Variants in ZNF804A observed in about 807,000 individuals in gnomAD.
ZNF804A encodes the protein zinc finger protein 804A.
In ZNF804A, 2 loss-of-function variants were observed where a neutral mutation model predicts 16.5. The observed-to-expected ratio is 0.12, with a 90% CI of 0.05 to 0.38. The LOEUF (loss-of-function observed/expected upper bound fraction) is 0.38. ZNF804A is among the 10% of genes least tolerant of loss of function. The pLI is 0.99. For missense variants in ZNF804A, 1,473 were observed against 1,390.7 expected, an observed-to-expected ratio of 1.06 and a Z score of -0.94; for synonymous variants, 534 against 489.6, an observed-to-expected ratio of 1.09 and a Z score of -1.20.
chr2:184,620,442 G>T (rs1691399387), intron 1 of ZNF804A, among the ~76,000 whole-genome samples: 1 of 151,806 alleles, frequency 6.6e-6, no homozygotes, highest in African/African-American at 2.4e-5. Flanking sequence ...TTTGACATTA[G>T]ATTGGAATCT....
chr2:184,631,550 A>T (rs1195783973), intron 1 of ZNF804A, among the ~76,000 whole-genome samples: 6 of 152,178 alleles, frequency 3.9e-5, no homozygotes, highest in Non-Finnish European at 7.4e-5. Flanking sequence ...AATATATTGA[A>T]CAAGAACAAC....
At chr2:184,852,589 A>G (rs925947758) in intron 1 of ZNF804A, among the ~76,000 whole-genome samples, 2 of 147,786 alleles carry the variant, frequency 1.4e-5, no homozygotes, top group Admixed American at 1.4e-4. Flanking sequence ...GTCAGGGCTT[A>G]TGCTTAAGTC....
intron 1 of ZNF804A, among the ~76,000 whole-genome samples, chr2:184,720,489 GA>G (rs1360344035): frequency 6.6e-6 from 1 of 152,078 alleles, no homozygotes; most frequent in Non-Finnish European, 1.5e-5. Flanking sequence ...AGAAAATCAA[GA>G]AGGCAATCTC....
Position 184,870,720 on chromosome 2 carries a change from T to C in ZNF804A, c.255+4208T>C, listed in dbSNP as rs1051912167. On this transcript the variant is annotated intron_variant, in intron 2 of 3. Transcript: ENST00000302277. ...GAGATTTTGTAATAAGTCAAAATTT[T>C]GTGGTAGGTAAGAGCTTCAAAAAAC... Among the ~76,000 whole-genome samples, 3 of 152,180 alleles carry C rather than the reference T, an allele frequency of 2.0e-5. No individual in the cohort carries two copies. The East Asian group carries it at 5.8e-4, about 29-fold the overall frequency.
Position 184,937,920 on chromosome 2 carries a change from T to G in ZNF804A, c.2524T>G (p.Leu842Val), listed in dbSNP as rs763354070. ...TDYPVKDNSS[L>V]NPLDRLISED... is the part of the protein sequence containing the mutation. ...TTATCCCGTGAAAGACAATTCTTCCTTAAATCCTCTGGATAGGTTAATAAG... is the reference window on the plus strand; with the variant it reads ...TTATCCCGTGAAAGACAATTCTTCCGTAAATCCTCTGGATAGGTTAATAAG... The change falls in exon 4 of 4, where the codon TTA (leucine) becomes GTA (valine). Residue 842 changes from leucine (L) to valine (V), a missense_variant. Leu to Val is a conservative substitution (Grantham distance 32). Transcript: ENST00000302277. 1.8e-5 allele frequency: 29 copies of G among 1,613,988 alleles called. No homozygotes were observed. The Middle Eastern group carries it at 4.9e-4, about 27-fold the overall frequency.
chr2:184,712,435 T>C (rs1330773577), intron 1 of ZNF804A, among the ~76,000 whole-genome samples: 1 of 151,778 alleles, frequency 6.6e-6, no homozygotes, highest in Non-Finnish European at 1.5e-5. Flanking sequence ...GATGAGTTTA[T>C]TTCGATGCTT....
intron 1 of ZNF804A, among the ~76,000 whole-genome samples, chr2:184,607,963 T>TTTG (rs869036879): frequency 7.0e-6 from 1 of 143,218 alleles, no homozygotes; most frequent in Non-Finnish European, 1.5e-5. Context: ...TTTTTTTTTT[T>TTTG]GAGACGGAGT....
intron 2 of ZNF804A, among the ~76,000 whole-genome samples, chr2:184,926,833 G>A (rs1039157453): frequency 6.6e-6 from 1 of 152,048 alleles, no homozygotes; most frequent in Admixed American, 6.5e-5. Flanking sequence ...GCATTTTTCA[G>A]CTCCAGAATT....
At chr2:184,730,786 T>C (rs1205525368) in intron 1 of ZNF804A, among the ~76,000 whole-genome samples, 2 of 152,124 alleles carry the variant, frequency 1.3e-5, no homozygotes, top group East Asian at 3.9e-4. Context: ...CTAAAGAACA[T>C]CTTGGTTGCT....
At position 184,929,124 on chromosome 2, in the gene ZNF804A, C is replaced by A. The variant is rs144771771; in HGVS notation, c.256-4479C>A. 1.4e-3 allele frequency among the ~76,000 whole-genome samples: 213 copies of A among 152,276 alleles called. 3 individuals are homozygous for A. In the East Asian group the frequency reaches 0.021, roughly 15 times the overall value. ...TCTATTCTACCATCTAGCCTCTCCT[C>A]TTTAAATTTACATTTTAAATAGGCA... On this transcript the variant is annotated intron_variant, in intron 2 of 3. Coordinates refer to ENST00000302277, the MANE Select transcript of ZNF804A (RefSeq NM_194250.2).
intron 2 of ZNF804A, chr2:184,902,131 C>A (rs891333779): frequency 5.2e-5 from 8 of 153,874 alleles, no homozygotes; most frequent in African/African-American, 1.9e-4. Context: ...ATTTTATTGG[C>A]AACATCCAAA....
At chr2:184,754,591 T>C (rs1693929366) in intron 1 of ZNF804A, among the ~76,000 whole-genome samples, 2 of 151,906 alleles carry the variant, frequency 1.3e-5, no homozygotes, top group African/African-American at 2.4e-5. Context: ...ATTCTACTTA[T>C]GAAGGTAAAT....
intron 1 of ZNF804A, among the ~76,000 whole-genome samples, chr2:184,736,265 T>G (rs1167630709): frequency 6.6e-6 from 1 of 152,200 alleles, no homozygotes; most frequent in Non-Finnish European, 1.5e-5. Flanking sequence ...GAGACAATTT[T>G]GTCTACTGCC....
intron 2 of ZNF804A, among the ~76,000 whole-genome samples, chr2:184,917,158 C>T (rs540105010): frequency 1.3e-5 from 2 of 152,230 alleles, no homozygotes; most frequent in East Asian, 3.9e-4. Flanking sequence ...TTAACCATCA[C>T]AAGTTCACCT....
At chr2:184,752,977 G>A (rs1280438601) in intron 1 of ZNF804A, among the ~76,000 whole-genome samples, 4 of 151,222 alleles carry the variant, frequency 2.6e-5, no homozygotes, top group South Asian at 2.1e-4. Context: ...GGTGAAAATC[G>A]GGGAAAAGGG....
chr2:184,864,220 G>A (rs1013031854), intron 1 of ZNF804A, among the ~76,000 whole-genome samples: 5 of 152,120 alleles, frequency 3.3e-5, no homozygotes, highest in African/African-American at 1.2e-4. Context: ...GCTGGTGGGT[G>A]CAGAGATCAC....
chr2:184,915,860 G>C (rs1165360271), intron 2 of ZNF804A, among the ~76,000 whole-genome samples: 1 of 152,096 alleles, frequency 6.6e-6, no homozygotes, highest in African/African-American at 2.4e-5. Context: ...GTAGTAATGG[G>C]AAAGGAAATT....
chr2:184,867,524 G>A (rs1558987236), intron 2 of ZNF804A, among the ~76,000 whole-genome samples: 1 of 152,014 alleles, frequency 6.6e-6, no homozygotes, highest in East Asian at 1.9e-4. Flanking sequence ...CACTGTGCTT[G>A]GAGAGGATGG....
chr2:184,610,843 T>C (rs1032894165), intron 1 of ZNF804A, among the ~76,000 whole-genome samples: 3 of 152,224 alleles, frequency 2.0e-5, no homozygotes, highest in Admixed American at 1.3e-4. Flanking sequence ...AGTTCACCTC[T>C]CTCCCTGTTA....
Sources: allele counts gnomAD v4.1 joint callset (sites outside exome capture counted in the v4.1 genomes callset), GRCh38; gene constraint gnomAD v4.1.1; transcripts MANE v1.5; gene names NCBI Gene and HGNC (gene_info 2026-07-23, HGNC 2026-07-21).